The following AFG3L2 variants were observed in gnomAD, a reference collection of about 807,000 sequenced individuals.
AFG3L2 encodes AFG3 like matrix AAA peptidase subunit 2, also known as mitochondrial inner membrane m-AAA protease component AFG3L2.
AFG3L2 carries 54 observed loss-of-function variants against 94.5 expected under a neutral mutation model. The observed-to-expected ratio is 0.57, with a 90% CI of 0.46 to 0.72. The LOEUF is 0.72. Ranked by LOEUF, AFG3L2 falls within the 30% of genes least tolerant of loss-of-function variation. AFG3L2 has a pLI of 0.00. For synonymous variants in AFG3L2, 377 were observed against 365.5 expected, an observed-to-expected ratio of 1.03 and a Z score of -0.36; for missense variants, 754 against 994.9, an observed-to-expected ratio of 0.76 and a Z score of 3.26.
At chr18:12,361,904 T>C (rs1908673277) in intron 6 of AFG3L2, among the ~76,000 whole-genome samples, 1 of 152,220 alleles carries the variant, frequency 6.6e-6, no homozygotes, top group South Asian at 2.1e-4. Context: ...GGATGGAACA[T>C]TCCCCAACTC....
intron 13 of AFG3L2, among the ~76,000 whole-genome samples, chr18:12,345,058 C>A (rs1018860429): frequency 6.6e-6 from 1 of 152,202 alleles, no homozygotes; most frequent in Non-Finnish European, 1.5e-5. Flanking sequence ...AGAAGAGAGT[C>A]TGAGAAAGCA....
chr18:12,339,086 C>G (rs1907849416), intron 15 of AFG3L2, among the ~76,000 whole-genome samples: 7 of 151,422 alleles, frequency 4.6e-5, no homozygotes, highest in Admixed American at 4.6e-4. Flanking sequence ...ATGCCTGCCT[C>G]TACTAAAGAT....
chr18:12,375,766 C>T (rs1015039736), intron 1 of AFG3L2, among the ~76,000 whole-genome samples: 2 of 152,150 alleles, frequency 1.3e-5, no homozygotes, highest in East Asian at 3.9e-4. Context: ...AGGATGATCT[C>T]GATTTTCTGA....
At chr18:12,370,817 C>T (rs778902379) in intron 3 of AFG3L2, 32 bp downstream of exon 3, 1 of 1,448,220 alleles carries the variant, frequency 6.9e-7, no homozygotes, top group Non-Finnish European at 9.6e-7. Flanking sequence ...GGGGAAAACA[C>T]AAAATTCAAA....
intron 16 of AFG3L2, among the ~76,000 whole-genome samples, chr18:12,330,872 G>C (rs1907502084): frequency 6.6e-6 from 1 of 151,602 alleles, no homozygotes; most frequent in South Asian, 2.1e-4. Flanking sequence ...ACTTAACCTA[G>C]AGGCATTCTT....
chr18:12,345,181 G>C (rs1396827683), intron 13 of AFG3L2, among the ~76,000 whole-genome samples: 3 of 152,224 alleles, frequency 2.0e-5, no homozygotes, highest in African/African-American at 7.2e-5. Context: ...AGAAGTGGCA[G>C]AGCAGACCCA....
chr18:12,369,157 A>C (rs1908899903), intron 3 of AFG3L2, among the ~76,000 whole-genome samples: 1 of 152,138 alleles, frequency 6.6e-6, no homozygotes, highest in Admixed American at 6.5e-5. Flanking sequence ...ACACCACTAA[A>C]GCTGTGCAAC....
rs1018366899 is a variant in AFG3L2, at chr18:12,344,409, T to A, written c.1664-162A>T. The A allele has an allele frequency of 7.6e-6, 5 of 656,802 alleles. No individual in the cohort carries two copies. In the East Asian group the frequency reaches 1.5e-4, roughly 19 times the overall value. The allele number at this position is 656,802 out of a possible 1,614,324, so 40.7% of individuals were successfully genotyped here. On this transcript the variant is annotated intron_variant, in intron 13 of 16. Coordinates refer to ENST00000269143, the MANE Select transcript of AFG3L2 (RefSeq NM_006796.3). Reference sequence around the variant, plus strand: ...CCTAATCAAGGCCAGGCGCAGTGGCTCATGCCTGTAATCCCAGCACTTTGG... The same window carrying A: ...CCTAATCAAGGCCAGGCGCAGTGGCACATGCCTGTAATCCCAGCACTTTGG...
intron 2 of AFG3L2, 54 bp from the exon 3 acceptor site, chr18:12,370,980 G>T: frequency 4.2e-6 from 5 of 1,185,228 alleles, no homozygotes; most frequent in East Asian, 2.5e-5. Flanking sequence ...CATCAGGTTT[G>T]TGTTCATTTT....
At chr18:12,334,762 G>A (rs764176522) in intron 16 of AFG3L2, among the ~76,000 whole-genome samples, 1 of 152,124 alleles carries the variant, frequency 6.6e-6, no homozygotes, top group Non-Finnish European at 1.5e-5. Flanking sequence ...CAATCCAGCT[G>A]GCATGCTGCC....
At chr18:12,360,740 C>G (rs1231821700) in intron 6 of AFG3L2, among the ~76,000 whole-genome samples, 2 of 152,194 alleles carry the variant, frequency 1.3e-5, no homozygotes, top group Non-Finnish European at 2.9e-5. Flanking sequence ...GTACTCGTGT[C>G]TACTGACTGA....
Position 12,329,474 on chromosome 18 carries a change from G to T in AFG3L2, c.*91C>A. The T allele has an allele frequency of 7.5e-7, 1 of 1,335,478 alleles. No homozygotes were observed. The highest frequency in any genetic ancestry group is 1.1e-6 in the Non-Finnish European group (1 of 928,500). The allele number at this position is 1,335,478 out of a possible 1,614,324, so 82.7% of individuals were successfully genotyped here. A position where few individuals can be genotyped will look rare whatever the true frequency, so the allele number is the denominator to read the frequency against. On this transcript the variant is annotated 3_prime_UTR_variant, in exon 17 of 17. Coordinates refer to ENST00000269143, the MANE Select transcript of AFG3L2 (RefSeq NM_006796.3). ...GGGCCAGTGGCTGGCTAAAATCAGC[G>T]CAGCATTCCCATTCTTCTGAAAGCC...
chr18:12,344,447 GTCCA>G (rs1410329123), intron 13 of AFG3L2, 200 bp from the exon 14 acceptor site: 11 of 554,874 alleles, frequency 2.0e-5, no homozygotes, highest in Non-Finnish European at 3.3e-5. Context: ...GGCTGAGGTG[GTCCA>G]ATCACTTGAG....
Position 12,351,677 on chromosome 18 carries a change from G to C in AFG3L2, c.1319-264C>G, listed in dbSNP as rs7505821. 0.11 allele frequency among the ~76,000 whole-genome samples: 17,411 copies of C among 151,788 alleles called. 1,135 individuals carry two copies. The highest frequency in any genetic ancestry group is 0.22 in the East Asian group (1,141 of 5,140). On this transcript the variant is annotated intron_variant, in intron 10 of 16. Transcript: ENST00000269143. ...TTCTCCTGCCTCAGCCTCCCGAGTA[G>C]CTGGGATTACAGGCATGCCCCACCA...
At chr18:12,356,908 G>A in intron 8 of AFG3L2, 77 bp from the exon 9 acceptor site, 1 of 1,412,394 alleles carries the variant, frequency 7.1e-7, no homozygotes, top group South Asian at 1.2e-5. Flanking sequence ...ATAATTACAA[G>A]ATATAACTCT....
In AFG3L2 at chr18:12,348,222, T is replaced by G. The variant is rs765972328; in HGVS notation, c.1663+51A>C. 1.5e-5 allele frequency: 23 copies of G among 1,498,798 alleles called. No individual in the cohort carries two copies. The South Asian group carries it at 2.4e-4, about 15-fold the overall frequency. 92.8% of individuals were successfully genotyped at this position (1,498,798 alleles called of 1,614,324 possible). On this transcript the variant is annotated intron_variant, in intron 13 of 16. Transcript: ENST00000269143. The stretch of plus-strand genomic sequence containing the variant: ...TGCCCAAACAGAGAAATCCCTGGCC[T>G]CAAATTCATTTTATCAGCCTTTCCA...
intron 14 of AFG3L2, 106 bp from the exon 15 acceptor site, chr18:12,340,507 C>G: frequency 1.1e-6 from 1 of 892,864 alleles, no homozygotes; most frequent in Non-Finnish European, 1.9e-6. Context: ...AGCACAACAG[C>G]CGCACAGTTC....
intron 16 of AFG3L2, among the ~76,000 whole-genome samples, chr18:12,332,198 A>G (rs1395315279): frequency 7.0e-6 from 1 of 143,268 alleles, no homozygotes; most frequent in Non-Finnish European, 1.5e-5. Context: ...ATGTTGGCTC[A>G]CTGCAACCTC....
At chr18:12,357,045 T>C (rs530719246) in intron 8 of AFG3L2, among the ~76,000 whole-genome samples, 1 of 152,342 alleles carries the variant, frequency 6.6e-6, no homozygotes, top group South Asian at 2.1e-4. Flanking sequence ...TTGGTAAGAA[T>C]GTGAAATTTA....
Sources: gnomAD v4.1 joint callset for allele counts (sites outside exome capture counted in the v4.1 genomes callset) on GRCh38, gnomAD v4.1.1 for gene constraint, MANE v1.5 for transcripts, NCBI Gene and HGNC (gene_info 2026-07-23, HGNC 2026-07-21) for gene names.